COL24A1: variants seen among roughly 807,000 people sequenced by gnomAD.
The protein encoded by COL24A1 is collagen type XXIV alpha 1 chain.
COL24A1 carries 224 observed loss-of-function variants against 253.9 expected under a neutral mutation model. The ratio of observed to expected loss-of-function variants is 0.88; its 90% CI spans 0.79 to 0.99. The LOEUF is 0.99. COL24A1 is among the 50% of genes least tolerant of loss of function. The pLI is 0.00. For missense variants in COL24A1, 2,131 were observed against 2,068.5 expected (o/e 1.03, Z -0.59); for synonymous variants, 685 against 673.7 (o/e 1.02, Z -0.26).
intron 24 of COL24A1, among the ~76,000 whole-genome samples, chr1:85,912,114 C>G (rs891716357): frequency 6.6e-6 from 1 of 152,076 alleles, no homozygotes; most frequent in Non-Finnish European, 1.5e-5. Context: ...AAGACTGAGG[C>G]CTGACATTTA....
intron 13 of COL24A1, among the ~76,000 whole-genome samples, chr1:86,032,735 G>A (rs943661129): frequency 6.6e-6 from 1 of 152,146 alleles, no homozygotes; most frequent in African/African-American, 2.4e-5. Flanking sequence ...AATATATCCA[G>A]TTGACTATTG....
chr1:86,008,996 T>A (rs753468185), intron 19 of COL24A1, among the ~76,000 whole-genome samples: 1 of 152,092 alleles, frequency 6.6e-6, no homozygotes, highest in Non-Finnish European at 1.5e-5. Context: ...AGACAACCGT[T>A]GTTGTTGAAA....
At chr1:85,904,029 G>C (rs964551283) in intron 28 of COL24A1, among the ~76,000 whole-genome samples, 3 of 152,124 alleles carry the variant, frequency 2.0e-5, no homozygotes, top group Non-Finnish European at 2.9e-5. Flanking sequence ...ATTGAGGACT[G>C]CTTCCCCCTA....
chr1:86,145,853 CT>C (rs1393575341), intron 2 of COL24A1, among the ~76,000 whole-genome samples: 1 of 151,916 alleles, frequency 6.6e-6, no homozygotes, highest in Non-Finnish European at 1.5e-5. Context: ...CAAGCAAAGC[CT>C]TTTTATTGTA....
rs74834962 is a variant in COL24A1 at position 86,033,328 on chromosome 1, T to G, written c.2004+542A>C. Among the ~76,000 whole-genome samples the G allele has an allele frequency of 6.7e-3, 1,024 of 152,204 alleles. 16 individuals carry two copies. Among genetic ancestry groups the G allele is most frequent in the African/African-American group, 0.024 (981 of 41,556 alleles). ...AGATTGGGGAATAGCTATTGGATGG[T>G]TTTTAAGAGCAAAAACTAAAGCTTT... is the stretch of plus-strand genomic sequence containing the variant. On this transcript the variant is annotated intron_variant, in intron 13 of 59. Transcript: ENST00000370571.
rs543116175 is a variant in COL24A1, at chr1:86,151,738, T to C, written c.56+4603A>G. 3.3e-5 allele frequency among the ~76,000 whole-genome samples: 5 copies of C among 152,316 alleles called. No homozygotes were observed. In the South Asian group the frequency reaches 1.0e-3, roughly 32 times the overall value. ...AGTTGCTTTAGGGGAATCCGAGGGA[T>C]CTTTTGCTTAGGGTACCCCTGAGAC... On this transcript the variant is annotated intron_variant, in intron 1 of 59. Coordinates refer to ENST00000370571, the MANE Select transcript of COL24A1 (RefSeq NM_152890.7).
rs75357114 is a variant in COL24A1 at position 86,022,398 on chromosome 1, G to A, written c.2203-105C>T. On this transcript the variant is annotated intron_variant, in intron 17 of 59. Coordinates refer to ENST00000370571, the MANE Select transcript of COL24A1 (RefSeq NM_152890.7). Reference sequence around the variant, plus strand: ...ATTTCATAAAGTATGCTAAAATATTGAGACAAAAGTTTCAAACAAGAACTT... The same window carrying A: ...ATTTCATAAAGTATGCTAAAATATTAAGACAAAAGTTTCAAACAAGAACTT... The A allele has an allele frequency of 2.2e-6, 3 of 1,377,434 alleles. No homozygotes were observed. In the African/African-American group the frequency reaches 4.3e-5, roughly 20 times the overall value. 85.3% of individuals were successfully genotyped at this position (1,377,434 alleles called of 1,614,324 possible).
At chr1:85,863,467 A>T (rs188804415) in intron 37 of COL24A1, among the ~76,000 whole-genome samples, 4 of 152,290 alleles carry the variant, frequency 2.6e-5, no homozygotes, top group East Asian at 3.9e-4. Context: ...AACCTAGGCA[A>T]TACCATTCAG....
chr1:85,815,621 A>G (rs1312545993), intron 47 of COL24A1, among the ~76,000 whole-genome samples: 6 of 152,138 alleles, frequency 3.9e-5, no homozygotes, highest in Non-Finnish European at 7.3e-5. Context: ...AACAAATGAG[A>G]TAACTCATTG....
Position 86,046,727 on chromosome 1 carries a change from AC to A in COL24A1, c.1950+97del, listed in dbSNP as rs375766785. The A allele has an allele frequency of 4.1e-5, 60 of 1,446,632 alleles. 1 individual carries two copies. The African/African-American group carries it at 6.8e-4, about 16-fold the overall frequency. 89.6% of individuals were successfully genotyped at this position (1,446,632 alleles called of 1,614,324 possible). A position where few individuals can be genotyped will look rare whatever the true frequency, so the allele number is the denominator to read the frequency against. On this transcript the variant is annotated intron_variant, in intron 12 of 59. Coordinates refer to ENST00000370571, the MANE Select transcript of COL24A1 (RefSeq NM_152890.7). Reference sequence around the variant, plus strand: ...TAAAATGGAATGATTATAAACAACAACAAAAAGCAAAAAGTATCTTCACATT... The same window carrying A: ...TAAAATGGAATGATTATAAACAACAAAAAAAGCAAAAAGTATCTTCACATT...
At chr1:85,922,109 G>C (rs566177232) in intron 24 of COL24A1, among the ~76,000 whole-genome samples, 1 of 151,950 alleles carries the variant, frequency 6.6e-6, no homozygotes, top group Non-Finnish European at 1.5e-5. Flanking sequence ...AAGAGGAGAA[G>C]TTTAGAGAAA....
intron 47 of COL24A1, among the ~76,000 whole-genome samples, chr1:85,798,490 A>C (rs908048780): frequency 5.9e-5 from 9 of 152,158 alleles, no homozygotes; most frequent in African/African-American, 2.2e-4. Flanking sequence ...TGGACAAAGA[A>C]TGTAGGTCTC....
chr1:86,121,558 C>T (rs1380663848), intron 3 of COL24A1, among the ~76,000 whole-genome samples: 1 of 150,988 alleles, frequency 6.6e-6, no homozygotes, highest in Non-Finnish European at 1.5e-5. Flanking sequence ...TATGAAAGAG[C>T]AAAAAAGAAA....
intron 24 of COL24A1, among the ~76,000 whole-genome samples, chr1:85,945,018 T>TGTTTTTTTG (rs1689167685): frequency 2.3e-5 from 2 of 86,838 alleles, no homozygotes; most frequent in Admixed American, 1.4e-4. Context: ...TTTTTTTTTT[T>TGTTTTTTTG]TTTTTTTTTT....
chr1:86,111,139 G>A (rs1401644101), intron 5 of COL24A1, among the ~76,000 whole-genome samples: 5 of 148,906 alleles, frequency 3.4e-5, no homozygotes, highest in African/African-American at 5.0e-5. Context: ...CTAATCTGGT[G>A]GGGACTTAGA....
At chr1:86,076,510 T>C (rs1038801669) in intron 7 of COL24A1, among the ~76,000 whole-genome samples, 1 of 152,194 alleles carries the variant, frequency 6.6e-6, no homozygotes, top group African/African-American at 2.4e-5. Context: ...CAAGCTATCA[T>C]TGACTTTCTT....
chr1:86,022,387 GC>G, intron 17 of COL24A1, 94 bp from the exon 18 acceptor site: 2 of 1,406,612 alleles, frequency 1.4e-6, no homozygotes, highest in Non-Finnish European at 1.0e-6. Context: ...CATAAAGTAT[GC>G]TAAAATATTG....
At position 86,050,278 on chromosome 1, in the gene COL24A1, A is replaced by G. The variant is rs1700212251; in HGVS notation, c.1852-101T>C. The G allele has an allele frequency of 4.5e-6, 4 of 895,456 alleles. No homozygotes were observed. In the Admixed American group the frequency reaches 8.8e-5, roughly 20 times the overall value. The allele number at this position is 895,456 out of a possible 1,614,324, so 55.5% of individuals were successfully genotyped here. Reference sequence around the variant, plus strand: ...TAAAATTTTATTTGTAGTAGTACGAAATTACAAGACTTACAAGTGCGAATA... The same window carrying G: ...TAAAATTTTATTTGTAGTAGTACGAGATTACAAGACTTACAAGTGCGAATA... On this transcript the variant is annotated intron_variant, in intron 10 of 59. Coordinates refer to ENST00000370571, the MANE Select transcript of COL24A1 (RefSeq NM_152890.7).
intron 45 of COL24A1, 60 bp from the exon 46 acceptor site, chr1:85,818,147 T>A: frequency 7.2e-7 from 1 of 1,394,288 alleles, no homozygotes; most frequent in South Asian, 1.2e-5. Context: ...ACTGAAGCCA[T>A]AGAAAAGGAC....
Sources: gnomAD v4.1 joint callset for allele counts (sites outside exome capture counted in the v4.1 genomes callset) on GRCh38, gnomAD v4.1.1 for gene constraint, MANE v1.5 for transcripts, NCBI Gene and HGNC (gene_info 2026-07-23, HGNC 2026-07-21) for gene names.